Variants in FBXL17 observed in about 807,000 individuals in gnomAD.
FBXL17 encodes F-box and leucine rich repeat protein 17.
A neutral mutation model predicts 66.2 loss-of-function variants in FBXL17; 22 were observed. The ratio of observed to expected loss-of-function variants is 0.33; its 90% confidence interval spans 0.24 to 0.47. The LOEUF (loss-of-function observed/expected upper bound fraction) is 0.47, where lower values mean the gene tolerates loss of function less well. Ranked by LOEUF, FBXL17 falls within the 20% of genes least tolerant of loss-of-function variation. FBXL17 has a pLI of 1.00. For synonymous variants in FBXL17, 474 were observed against 400.5 expected, an observed-to-expected ratio of 1.18 and a Z score of -2.19; for missense variants, 878 against 948.2, an observed-to-expected ratio of 0.93 and a Z score of 0.97.
At chr5:107,879,453 C>T (rs1748712033) in intron 8 of FBXL17, 2 of 985,422 alleles carry the variant, frequency 2.0e-6, no homozygotes, top group Non-Finnish European at 2.4e-6. Context: ...GACTCGCAAG[C>T]CCCGGATCTC....
At chr5:107,973,354 A>ATTTTTTTT (rs200079422) in intron 7 of FBXL17, among the ~76,000 whole-genome samples, 35 of 120,446 alleles carry the variant, frequency 2.9e-4, no homozygotes, top group Non-Finnish European at 4.2e-4. Context: ...TTTTTTTGTA[A>ATTTTTTTT]TTTTTTTTTT....
intron 7 of FBXL17, among the ~76,000 whole-genome samples, chr5:107,914,624 G>T (rs892674876): frequency 6.6e-6 from 1 of 152,202 alleles, no homozygotes; most frequent in Non-Finnish European, 1.5e-5. Flanking sequence ...GTGGGCATTT[G>T]ACATAAGTCA....
chr5:108,282,631 C>T (rs1049097148), intron 4 of FBXL17, among the ~76,000 whole-genome samples: 1 of 151,540 alleles, frequency 6.6e-6, no homozygotes, highest in Non-Finnish European at 1.5e-5. Context: ...CTTTACTATT[C>T]CTATTTAACA....
At chr5:108,162,045 T>C (rs969846250) in intron 6 of FBXL17, among the ~76,000 whole-genome samples, 1 of 152,248 alleles carries the variant, frequency 6.6e-6, no homozygotes, top group Non-Finnish European at 1.5e-5. Context: ...GGCAAAAGCA[T>C]TATACAATTA....
intron 4 of FBXL17, among the ~76,000 whole-genome samples, chr5:108,276,311 A>G (rs1757480942): frequency 6.6e-6 from 1 of 152,194 alleles, no homozygotes; most frequent in Non-Finnish European, 1.5e-5. Flanking sequence ...GATCTACACA[A>G]CATTCATTAT....
chr5:107,936,568 A>C (rs932947849), intron 7 of FBXL17, among the ~76,000 whole-genome samples: 2 of 12,124 alleles, frequency 1.6e-4, no homozygotes, highest in Non-Finnish European at 3.7e-4. Context: ...TTGAATTTGA[A>C]ACTATTGATG....
chr5:108,006,827 A>C (rs1753943689), intron 7 of FBXL17, among the ~76,000 whole-genome samples: 1 of 152,226 alleles, frequency 6.6e-6, no homozygotes. Context: ...TATGTACTTC[A>C]GGATAAAGGA....
chr5:107,916,620 T>A (rs894716840), intron 7 of FBXL17, among the ~76,000 whole-genome samples: 1 of 152,256 alleles, frequency 6.6e-6, no homozygotes, highest in Non-Finnish European at 1.5e-5. Flanking sequence ...TAAAATTTGC[T>A]ATTTTTATTC....
At chr5:108,064,547 G>A (rs1353017835) in intron 6 of FBXL17, among the ~76,000 whole-genome samples, 1 of 152,164 alleles carries the variant, frequency 6.6e-6, no homozygotes, top group East Asian at 1.9e-4. Flanking sequence ...TCAGGGCCTA[G>A]TCTTACCTCT....
At chr5:108,207,806 A>G (rs141363993) in intron 5 of FBXL17, among the ~76,000 whole-genome samples, 3,475 of 152,312 alleles carry the variant, frequency 0.023, 62 homozygotes, top group Middle Eastern at 0.034. Context: ...TCTTTATAGT[A>G]GAATGATTTA....
chr5:108,316,858 A>C (rs1056511195), intron 4 of FBXL17, among the ~76,000 whole-genome samples: 7 of 151,408 alleles, frequency 4.6e-5, no homozygotes, highest in Admixed American at 4.0e-4. Context: ...AAACAACTGG[A>C]AACTTTGTAA....
At chr5:108,116,649 A>AAAT (rs1393560049) in intron 6 of FBXL17, among the ~76,000 whole-genome samples, 33 of 151,848 alleles carry the variant, frequency 2.2e-4, no homozygotes, top group African/African-American at 8.0e-4. Context: ...TCCGTCTCAA[A>AAAT]AATAATAATA....
rs954514522 is a variant in FBXL17 at position 107,860,853 on chromosome 5, G to T, written c.*867C>A. The T allele has an allele frequency of 1.2e-4, 18 of 152,156 alleles. No individual in the cohort carries two copies. The highest frequency in any genetic ancestry group is 4.3e-4 in the African/African-American group (18 of 41,416). 9.4% of individuals were successfully genotyped at this position (152,156 alleles called of 1,614,324 possible). ...ATGATCTGTAGTTTTTAAAATAACT[G>T]CACACCATTAATTACATTGGTGGCT... On this transcript the variant is annotated 3_prime_UTR_variant, in exon 9 of 9. Transcript: ENST00000542267.
At chr5:108,101,559 C>T (rs1301324685) in intron 6 of FBXL17, among the ~76,000 whole-genome samples, 5 of 152,238 alleles carry the variant, frequency 3.3e-5, no homozygotes, top group African/African-American at 1.2e-4. Flanking sequence ...TAATTCCTCT[C>T]ATTTAGAAAA....
In FBXL17 at chr5:107,976,405, T is replaced by C. The variant is rs1309879586; in HGVS notation, c.1822+44520A>G. Among the ~76,000 whole-genome samples, 5 of 152,174 alleles carry C rather than the reference T, an allele frequency of 3.3e-5. No individual in the cohort carries two copies. In the East Asian group the frequency reaches 9.6e-4, roughly 29 times the overall value. On this transcript the variant is annotated intron_variant, in intron 7 of 8. Transcript: ENST00000542267. ...AGTCAACAAAGAGTTATTGGGTAGATTTGTTAATTTTATATAGACTTAGAT... is the reference window on the plus strand; with the variant it reads ...AGTCAACAAAGAGTTATTGGGTAGACTTGTTAATTTTATATAGACTTAGAT...
At chr5:108,068,826 T>G (rs1748219824) in intron 6 of FBXL17, among the ~76,000 whole-genome samples, 1 of 152,156 alleles carries the variant, frequency 6.6e-6, no homozygotes, top group African/African-American at 2.4e-5. Flanking sequence ...CAACCTATAG[T>G]GTGCAATGGA....
chr5:108,115,747 T>C (rs1750223845), intron 6 of FBXL17, among the ~76,000 whole-genome samples: 1 of 152,148 alleles, frequency 6.6e-6, no homozygotes, highest in Non-Finnish European at 1.5e-5. Flanking sequence ...ACCATGTCAG[T>C]AAAGAGCAAC....
At chr5:107,914,317 T>TA (rs1328435595) in intron 7 of FBXL17, among the ~76,000 whole-genome samples, 2 of 152,170 alleles carry the variant, frequency 1.3e-5, no homozygotes, top group Non-Finnish European at 2.9e-5. Flanking sequence ...GCAATATCCC[T>TA]ACCTGGAAAT....
At chr5:108,210,954 T>TTG (rs1166034016) in intron 5 of FBXL17, among the ~76,000 whole-genome samples, 1 of 152,202 alleles carries the variant, frequency 6.6e-6, no homozygotes, top group Non-Finnish European at 1.5e-5. Flanking sequence ...CTAAGTCTCC[T>TTG]TGTAGGTCTC....
Sources: allele counts gnomAD v4.1 joint callset (sites outside exome capture counted in the v4.1 genomes callset), GRCh38; gene constraint gnomAD v4.1.1; transcripts MANE v1.5; gene names NCBI Gene and HGNC (gene_info 2026-07-23, HGNC 2026-07-21).